The following MRPS6 variants were observed in gnomAD, a reference collection of about 807,000 sequenced individuals.
The protein encoded by MRPS6 is small ribosomal subunit protein bS6m.
A neutral mutation model predicts 13.1 loss-of-function variants in MRPS6; 6 were observed. That is an observed-to-expected ratio of 0.46 (90% CI 0.25 to 0.91). The LOEUF (loss-of-function observed/expected upper bound fraction) is 0.91, where lower values mean the gene tolerates loss of function less well. Ranked by LOEUF, MRPS6 falls within the 40% of genes least tolerant of loss-of-function variation. The pLI is 0.18. For missense variants in MRPS6, 164 were observed against 155.6 expected (o/e 1.05, Z -0.29); for synonymous variants, 61 against 56.5 (o/e 1.08, Z -0.36).
chr21:34,106,083 G>A, intron 1 of MRPS6: 1 of 998,924 alleles, frequency 1.0e-6, no homozygotes. Context: ...TGTGTACTGT[G>A]TGTTATTTTG....
intron 1 of MRPS6, chr21:34,095,149 A>T (rs909998618): frequency 2.0e-6 from 3 of 1,506,578 alleles, no homozygotes; most frequent in Non-Finnish European, 2.6e-6. Context: ...AAATAAATAA[A>T]AAGTTGGACA....
In MRPS6 at chr21:34,073,677, G is replaced by T. The variant is rs1039111917; in HGVS notation, c.-24G>T. 3 of 1,515,122 alleles carry T rather than the reference G, an allele frequency of 2.0e-6. No homozygotes were observed. The highest frequency in any genetic ancestry group is 2.7e-6 in the Non-Finnish European group (3 of 1,123,864). 93.9% of individuals were successfully genotyped at this position (1,515,122 alleles called of 1,614,324 possible). A position where few individuals can be genotyped will look rare whatever the true frequency, so the allele number is the denominator to read the frequency against. ...GTCCCGGGAACCGGCTGGCTTCCGA[G>T]CCGCACTCGCCGATCCTCCAGGCAT... On this transcript the variant is annotated 5_prime_UTR_variant, in exon 1 of 3. Coordinates refer to ENST00000399312, the MANE Select transcript of MRPS6 (RefSeq NM_032476.4).
At chr21:34,105,809 G>GA in intron 1 of MRPS6, 5 of 996,722 alleles carry the variant, frequency 5.0e-6, no homozygotes, top group Non-Finnish European at 6.0e-6. Flanking sequence ...GTTGCAAGCA[G>GA]AAAGTAGAAT....
chr21:34,114,851 A>G (rs1045009862), intron 1 of MRPS6, among the ~76,000 whole-genome samples: 3 of 152,198 alleles, frequency 2.0e-5, no homozygotes, highest in African/African-American at 4.8e-5. Flanking sequence ...GTAAGTTCAC[A>G]CAAGGTTGGA....
intron 1 of MRPS6, among the ~76,000 whole-genome samples, chr21:34,109,421 G>A (rs1023920902): frequency 6.6e-6 from 1 of 152,168 alleles, no homozygotes; most frequent in African/African-American, 2.4e-5. Context: ...TTAAACTGAA[G>A]GATAAAAGGC....
chr21:34,142,093 C>A (rs1455890639), intron 2 of MRPS6, among the ~76,000 whole-genome samples: 2 of 152,180 alleles, frequency 1.3e-5, no homozygotes, highest in African/African-American at 2.4e-5. Flanking sequence ...TAGAAGTTTT[C>A]CCCCATGCTT....
intron 1 of MRPS6, among the ~76,000 whole-genome samples, chr21:34,119,391 CCTTT>C (rs537764866): frequency 9.9e-4 from 150 of 152,194 alleles, no homozygotes; most frequent in African/African-American, 3.4e-3. Flanking sequence ...ACAGGGACAG[CCTTT>C]CTATTTGAAA....
Position 34,113,372 on chromosome 21 carries a change from A to G in MRPS6, c.46-11969A>G, listed in dbSNP as rs8131473. 4.5e-3 allele frequency among the ~76,000 whole-genome samples: 688 copies of G among 152,330 alleles called. 5 individuals are homozygous for G. The highest frequency in any genetic ancestry group is 0.015 in the African/African-American group (640 of 41,566). ...GGATAAAGTATGGCATACATACACA[A>G]TAGAATACTCTTCAGCCATAAAAAA... On this transcript the variant is annotated intron_variant, in intron 1 of 2. Coordinates refer to ENST00000399312, the MANE Select transcript of MRPS6 (RefSeq NM_032476.4).
chr21:34,105,956 A>G, intron 1 of MRPS6: 5 of 993,580 alleles, frequency 5.0e-6, no homozygotes, highest in Non-Finnish European at 6.1e-6. Flanking sequence ...AATTGTAAAC[A>G]TGTATGATCT....
At chr21:34,099,408 A>G in intron 1 of MRPS6, 6 of 1,000,152 alleles carry the variant, frequency 6.0e-6, no homozygotes, top group Non-Finnish European at 7.2e-6. Context: ...TTTTCAAAGG[A>G]ACTGTTCTTC....
chr21:34,079,504 C>T (rs913068641), intron 1 of MRPS6, among the ~76,000 whole-genome samples: 19 of 151,410 alleles, frequency 1.3e-4, no homozygotes, highest in East Asian at 3.9e-4. Flanking sequence ...GGCACGATCT[C>T]GGCTCACTGC....
chr21:34,118,716 T>C (rs971215033), intron 1 of MRPS6, among the ~76,000 whole-genome samples: 4 of 152,106 alleles, frequency 2.6e-5, no homozygotes, highest in African/African-American at 9.7e-5. Flanking sequence ...GGTTTCGCCA[T>C]GTTGGCCAGG....
intron 2 of MRPS6, 120 bp downstream of exon 2, chr21:34,125,600 C>T: frequency 7.0e-7 from 1 of 1,421,026 alleles, no homozygotes; most frequent in African/African-American, 1.4e-5. Context: ...CCTAGGTGTC[C>T]TTTGGGTACA....
At chr21:34,107,420 A>G (rs1217798083) in intron 1 of MRPS6, among the ~76,000 whole-genome samples, 2 of 152,206 alleles carry the variant, frequency 1.3e-5, no homozygotes, top group Non-Finnish European at 2.9e-5. Flanking sequence ...CGATGATACT[A>G]ACTTTGATCT....
chr21:34,139,008 TA>T (rs560437583), intron 2 of MRPS6, among the ~76,000 whole-genome samples: 16 of 151,690 alleles, frequency 1.1e-4, no homozygotes, highest in Non-Finnish European at 1.5e-4. Context: ...TATGCAGCCA[TA>T]AAAATGATGA....
intron 2 of MRPS6, among the ~76,000 whole-genome samples, chr21:34,136,853 GCTT>G (rs1419100196): frequency 6.6e-6 from 1 of 152,110 alleles, no homozygotes; most frequent in Admixed American, 6.5e-5. Context: ...ATTTACAAAA[GCTT>G]CTAAGTTTTA....
At chr21:34,097,197 A>C in intron 1 of MRPS6, 1 of 1,614,114 alleles carries the variant, frequency 6.2e-7, no homozygotes, top group Non-Finnish European at 8.5e-7. Context: ...CTTTAAAAGT[A>C]AGAGCCTCAG....
At chr21:34,106,964 C>T (rs1294053650) in intron 1 of MRPS6, among the ~76,000 whole-genome samples, 1 of 151,918 alleles carries the variant, frequency 6.6e-6, no homozygotes, top group Non-Finnish European at 1.5e-5. Flanking sequence ...ATGTGACTTG[C>T]TCTGTCGCCC....
chr21:34,088,312 G>T (rs1978501365), intron 1 of MRPS6, among the ~76,000 whole-genome samples: 1 of 152,198 alleles, frequency 6.6e-6, no homozygotes, highest in Admixed American at 6.5e-5. Flanking sequence ...AAGGCAGAAA[G>T]CGTTGAACTT....
Sources: gnomAD v4.1 joint callset for allele counts (sites outside exome capture counted in the v4.1 genomes callset) on GRCh38, gnomAD v4.1.1 for gene constraint, MANE v1.5 for transcripts, NCBI Gene and HGNC (gene_info 2026-07-23, HGNC 2026-07-21) for gene names.